Variants in CPEB3 observed in about 807,000 individuals in gnomAD.
CPEB3 encodes cytoplasmic polyadenylation element-binding protein 3.
A neutral mutation model predicts 67.2 loss-of-function variants in CPEB3; 20 were observed. The observed-to-expected ratio is 0.30, with a 90% CI of 0.21 to 0.43. CPEB3 has a LOEUF of 0.43. Ranked by LOEUF, CPEB3 falls within the 20% of genes least tolerant of loss-of-function variation. CPEB3 has a pLI of 1.00. For missense variants in CPEB3, 746 were observed against 968.6 expected, an observed-to-expected ratio of 0.77 and a Z score of 3.05; for synonymous variants, 376 against 393.1, an observed-to-expected ratio of 0.96 and a Z score of 0.51.
At chr10:92,224,356 GC>G (rs1220422609) in intron 2 of CPEB3, among the ~76,000 whole-genome samples, 5 of 152,142 alleles carry the variant, frequency 3.3e-5, no homozygotes, top group African/African-American at 1.2e-4. Context: ...CCTTACAATA[GC>G]TATGTTTCTC....
At chr10:92,203,088 C>T (rs1369195719) in intron 2 of CPEB3, among the ~76,000 whole-genome samples, 8 of 151,020 alleles carry the variant, frequency 5.3e-5, no homozygotes, top group Non-Finnish European at 1.0e-4. Flanking sequence ...ATTACAGGCA[C>T]GTGCCACAAA....
At chr10:92,234,026 G>A (rs1851402726) in intron 2 of CPEB3, among the ~76,000 whole-genome samples, 1 of 148,142 alleles carries the variant, frequency 6.8e-6, no homozygotes, top group South Asian at 2.1e-4. Context: ...AGAATCGCTT[G>A]AACCCAGAGA....
chr10:92,063,085 G>A (rs1156535195), intron 9 of CPEB3, among the ~76,000 whole-genome samples: 3 of 152,204 alleles, frequency 2.0e-5, no homozygotes, highest in Non-Finnish European at 2.9e-5. Context: ...TTGGTAAAGG[G>A]AATAATATAT....
intron 9 of CPEB3, among the ~76,000 whole-genome samples, chr10:92,053,522 CTCGG>C (rs1564741423): frequency 6.7e-6 from 1 of 149,762 alleles, no homozygotes; most frequent in Non-Finnish European, 1.5e-5. Context: ...CGCCACCACG[CTCGG>C]CTAATTTTTT....
At chr10:92,228,168 G>A (rs1253331412) in intron 2 of CPEB3, among the ~76,000 whole-genome samples, 2 of 152,136 alleles carry the variant, frequency 1.3e-5, no homozygotes, top group Non-Finnish European at 2.9e-5. Context: ...GATTACATGC[G>A]TGAGCCACTG....
rs1293996752 is a variant in CPEB3, at chr10:92,239,009, G to A, written c.1005+337C>T. Among the ~76,000 whole-genome samples the A allele has an allele frequency of 1.3e-5, 2 of 152,034 alleles. No homozygotes were observed. The highest frequency in any genetic ancestry group is 1.5e-5 in the Non-Finnish European group (1 of 68,006). On this transcript the variant is annotated intron_variant, in intron 2 of 9. Coordinates refer to ENST00000265997, the MANE Select transcript of CPEB3 (RefSeq NM_014912.5). The surrounding 1 kb of genome is among the most constrained non-coding windows in gnomAD (Gnocchi z 6.0). ...TAGGAATCTCAGCCTACTCATCCTGGGACTATGCCGGCACCTTGCCACACA... is the reference window on the plus strand; with the variant it reads ...TAGGAATCTCAGCCTACTCATCCTGAGACTATGCCGGCACCTTGCCACACA...
chr10:92,260,060 A>T (rs563113780), intron 1 of CPEB3, among the ~76,000 whole-genome samples: 4 of 152,290 alleles, frequency 2.6e-5, no homozygotes, highest in Non-Finnish European at 5.9e-5. Context: ...GTCCTACTTG[A>T]TCCATGAAGA....
chr10:92,088,924 T>C (rs183693744), intron 8 of CPEB3, among the ~76,000 whole-genome samples: 2 of 152,336 alleles, frequency 1.3e-5, no homozygotes, highest in East Asian at 3.9e-4. Context: ...TTAAAGAATA[T>C]AATCTGGTCT....
chr10:92,198,193 G>A (rs935943988), intron 2 of CPEB3, among the ~76,000 whole-genome samples: 4 of 152,238 alleles, frequency 2.6e-5, no homozygotes, highest in African/African-American at 7.2e-5. Context: ...GGCAGAGCCA[G>A]GGCTCAAACC....
At chr10:92,265,326 G>C (rs1853004979) in intron 1 of CPEB3, among the ~76,000 whole-genome samples, 1 of 152,082 alleles carries the variant, frequency 6.6e-6, no homozygotes, top group African/African-American at 2.4e-5. Context: ...ACCAAGCCTA[G>C]CTCCTCTTAG....
intron 1 of CPEB3, among the ~76,000 whole-genome samples, chr10:92,275,845 CTTTTTTTTTT>C (rs909549413): frequency 6.5e-5 from 6 of 92,978 alleles, no homozygotes; most frequent in Admixed American, 3.6e-4. Context: ...TCATTCTTTT[CTTTTTTTTTT>C]TTTTTTTTTT....
intron 9 of CPEB3, among the ~76,000 whole-genome samples, chr10:92,068,763 C>T (rs189797899): frequency 6.6e-6 from 1 of 152,262 alleles, no homozygotes; most frequent in African/African-American, 2.4e-5. Flanking sequence ...AGAGCATGGA[C>T]AAAAGGTTCT....
intron 3 of CPEB3, among the ~76,000 whole-genome samples, chr10:92,182,076 T>C (rs1209541639): frequency 2.0e-5 from 3 of 152,250 alleles, no homozygotes; most frequent in African/African-American, 7.2e-5. Context: ...TGCTTTTGTG[T>C]AAAGCTAATA....
chr10:92,052,598 A>C (rs563150381), intron 9 of CPEB3, among the ~76,000 whole-genome samples, 159 bp from the exon 10 acceptor site: 1 of 152,356 alleles, frequency 6.6e-6, no homozygotes, highest in East Asian at 1.9e-4. Flanking sequence ...TGGGCTTTGG[A>C]ATAAGCTCCT....
chr10:92,121,696 G>C (rs180854700), intron 6 of CPEB3, among the ~76,000 whole-genome samples: 1 of 151,954 alleles, frequency 6.6e-6, no homozygotes, highest in Non-Finnish European at 1.5e-5. Context: ...TCAGCTTGTG[G>C]AGCTGTATCC....
At chr10:92,083,920 A>T (rs926151160) in intron 8 of CPEB3, among the ~76,000 whole-genome samples, 1 of 152,120 alleles carries the variant, frequency 6.6e-6, no homozygotes, top group African/African-American at 2.4e-5. Flanking sequence ...ACGGTGGCTC[A>T]CGGCTATAAT....
intron 9 of CPEB3, among the ~76,000 whole-genome samples, chr10:92,073,958 G>A (rs1022590328): frequency 5.9e-5 from 9 of 152,150 alleles, no homozygotes; most frequent in African/African-American, 2.2e-4. Context: ...TCTGAACAGC[G>A]AAATCTAAAT....
intron 4 of CPEB3, among the ~76,000 whole-genome samples, chr10:92,160,179 T>A (rs1175928056): frequency 1.3e-5 from 2 of 152,134 alleles, no homozygotes; most frequent in African/African-American, 4.8e-5. Context: ...ATTCCTGACC[T>A]CAAGTGATCC....
chr10:92,161,809 G>A (rs956890815), intron 4 of CPEB3, among the ~76,000 whole-genome samples: 13 of 151,816 alleles, frequency 8.6e-5, no homozygotes, highest in African/African-American at 3.1e-4. Flanking sequence ...GACTATAGGC[G>A]TGCACCACCA....
Sources: gnomAD v4.1 joint callset for allele counts (sites outside exome capture counted in the v4.1 genomes callset) on GRCh38, gnomAD v4.1.1 for gene constraint, Gnocchi (gnomAD v3.1) non-coding constraint, MANE v1.5 for transcripts, NCBI Gene and HGNC (gene_info 2026-07-23, HGNC 2026-07-21) for gene names.